Variants in CMBL observed in about 807,000 individuals in gnomAD.
The protein encoded by CMBL is carboxymethylenebutenolidase homolog.
CMBL carries 17 observed loss-of-function variants against 28.7 expected under a neutral mutation model. That is an observed-to-expected ratio of 0.59 (90% confidence interval 0.41 to 0.89). The LOEUF (loss-of-function observed/expected upper bound fraction) is 0.89, where lower values mean the gene tolerates loss of function less well. CMBL is among the 40% of genes least tolerant of loss of function. The pLI is 0.00. For missense variants in CMBL, 310 were observed against 298.5 expected (o/e 1.04, Z -0.28); for synonymous variants, 106 against 101.6 (o/e 1.04, Z -0.26).
chr5:10,290,689 A>T lies in CMBL; in HGVS notation c.74T>A (p.Val25Asp). The stretch of plus-strand genomic sequence containing the variant: ...ATAAGCCTTGATGTGCTCGACTTGA[A>T]CTTCACGGCCTAGCCCTCCATACTC... Reference protein sequence around the residue: ...RLEYGGLGREVQVEHIKAYVT... With the variant: ...RLEYGGLGREDQVEHIKAYVT... The change falls in exon 2 of 6, where the codon GTT (valine) becomes GAT (aspartate). Residue 25 changes from valine (V) to aspartate (D), a missense_variant. Physicochemically the swap from Val to Asp is radical, Grantham distance 152 (BLOSUM62 -3). Coordinates refer to ENST00000296658, the MANE Select transcript of CMBL (RefSeq NM_138809.4). The T allele has an allele frequency of 1.2e-6, 2 of 1,614,184 alleles. No homozygotes were observed. Among genetic ancestry groups the T allele is most frequent in the Non-Finnish European group, 1.7e-6 (2 of 1,180,042 alleles).
At position 10,307,814 on chromosome 5, in the gene CMBL, A is replaced by C. The variant is rs1471532464; in HGVS notation, c.-209T>G. On this transcript the variant is annotated 5_prime_UTR_variant, in exon 1 of 6. Transcript: ENST00000296658. Reference sequence around the variant, plus strand: ...CCCGGAGGGGGCGGAGAGGTGGAGGAGGGAGGCCTGGGGGAAGAGAAATCT... The same window carrying C: ...CCCGGAGGGGGCGGAGAGGTGGAGGCGGGAGGCCTGGGGGAAGAGAAATCT... 4.0e-5 allele frequency: 6 copies of C among 149,002 alleles called. No individual in the cohort carries two copies. The highest frequency in any genetic ancestry group is 8.9e-5 in the Non-Finnish European group (6 of 67,470). The allele number at this position is 149,002 out of a possible 1,614,324, so 9.2% of individuals were successfully genotyped here. A position where few individuals can be genotyped will look rare whatever the true frequency, so the allele number is the denominator to read the frequency against.
intron 2 of CMBL, chr5:10,290,260 G>A (rs969750948): frequency 4.5e-5 from 19 of 420,868 alleles, no homozygotes; most frequent in African/African-American, 1.0e-4. Context: ...CAGTGCCTGC[G>A]TCTGGCTGAG....
At chr5:10,286,305 T>C in intron 4 of CMBL, 49 bp downstream of exon 4, 1 of 1,574,864 alleles carries the variant, frequency 6.3e-7, no homozygotes, top group East Asian at 2.3e-5. Flanking sequence ...GTTGTCACTC[T>C]TCCACCCCTC....
At chr5:10,299,098 A>C (rs1467648695) in intron 1 of CMBL, among the ~76,000 whole-genome samples, 1 of 152,234 alleles carries the variant, frequency 6.6e-6, no homozygotes, top group Non-Finnish European at 1.5e-5. Flanking sequence ...GATAATGATT[A>C]ACATTAATAT....
rs759276873 is a variant in CMBL at position 10,278,300 on chromosome 5, A to G, written c.*2153T>C. The stretch of plus-strand genomic sequence containing the variant: ...TTATACAACTTCTCACTGTTCCCCA[A>G]GGTGGTCGATCCAGACATCTGCCTT... On this transcript the variant is annotated 3_prime_UTR_variant, in exon 6 of 6. Coordinates refer to ENST00000296658, the MANE Select transcript of CMBL (RefSeq NM_138809.4). Among the ~76,000 whole-genome samples the G allele has an allele frequency of 6.6e-6, 1 of 152,268 alleles. No individual in the cohort carries two copies. Among genetic ancestry groups the G allele is most frequent in the East Asian group, 1.9e-4 (1 of 5,184 alleles).
intron 4 of CMBL, among the ~76,000 whole-genome samples, chr5:10,285,246 G>A (rs1349095215): frequency 6.6e-6 from 1 of 152,212 alleles, no homozygotes; most frequent in African/African-American, 2.4e-5. Flanking sequence ...TTGGTTCACA[G>A]CAACCTCCAC....
chr5:10,286,201 C>T (rs1746601781), intron 4 of CMBL, 153 bp downstream of exon 4: 2 of 723,534 alleles, frequency 2.8e-6, no homozygotes, highest in Admixed American at 3.2e-5. Flanking sequence ...AAACCTCCAC[C>T]TCTATTTTCA....
intron 2 of CMBL, 95 bp downstream of exon 2, chr5:10,290,453 T>A: frequency 1.0e-6 from 1 of 986,328 alleles, no homozygotes; most frequent in Non-Finnish European, 1.6e-6. Flanking sequence ...AGATACTGTA[T>A]AGTCAGACCG....
chr5:10,307,311 T>A (rs774171650), intron 1 of CMBL: 1 of 152,212 alleles, frequency 6.6e-6, no homozygotes, highest in African/African-American at 2.4e-5. Flanking sequence ...CCGTGCTAAA[T>A]GGCCAAAACG....
chr5:10,289,716 A>C lies in CMBL; in HGVS notation c.215+832T>G, dbSNP rs1746669785. 6.6e-6 allele frequency among the ~76,000 whole-genome samples: 1 copy of C among 152,142 alleles called. No homozygotes were observed. The highest frequency in any genetic ancestry group is 1.5e-5 in the Non-Finnish European group (1 of 68,018). ...GAAAGTTAAGTCCCCTCACATGGGGACGTGAAAAAGGAAAACTTCAAGGAA... is the reference window on the plus strand; with the variant it reads ...GAAAGTTAAGTCCCCTCACATGGGGCCGTGAAAAAGGAAAACTTCAAGGAA... On this transcript the variant is annotated intron_variant, in intron 2 of 5. Transcript: ENST00000296658. This position sits in a 1 kb window ranked among gnomAD's most constrained non-coding sequence, Gnocchi z 4.3.
At chr5:10,286,132 A>T in intron 4 of CMBL, 1 of 431,038 alleles carries the variant, frequency 2.3e-6, no homozygotes, top group Non-Finnish European at 4.0e-6. Flanking sequence ...TCCCAAAGTC[A>T]CACCACTGGG....
chr5:10,296,282 G>T (rs1171744173), intron 1 of CMBL, among the ~76,000 whole-genome samples: 1 of 152,050 alleles, frequency 6.6e-6, no homozygotes, highest in Non-Finnish European at 1.5e-5. Flanking sequence ...CTGTATGTGG[G>T]TTTGGTTTGT....
chr5:10,287,147 T>C (rs75686654), intron 3 of CMBL, among the ~76,000 whole-genome samples: 3,214 of 152,316 alleles, frequency 0.021, 109 homozygotes, highest in African/African-American at 0.071. Context: ...GAACTCAGAA[T>C]ACATTTTCAA....
At chr5:10,302,441 C>T (rs1005081401) in intron 1 of CMBL, among the ~76,000 whole-genome samples, 1 of 148,540 alleles carries the variant, frequency 6.7e-6, no homozygotes, top group African/African-American at 2.5e-5. Context: ...GGCAAGGATC[C>T]AAGACCAGCC....
At chr5:10,286,924 T>C (rs1746614870) in intron 3 of CMBL, among the ~76,000 whole-genome samples, 1 of 152,154 alleles carries the variant, frequency 6.6e-6, no homozygotes, top group Non-Finnish European at 1.5e-5. Flanking sequence ...CTCTCTCCCA[T>C]GAGCAGCCAT....
Position 10,277,991 on chromosome 5 carries a change from C to T in CMBL, c.*2462G>A, listed in dbSNP as rs890582388. Among the ~76,000 whole-genome samples, 1 of 152,228 alleles carries T rather than the reference C, an allele frequency of 6.6e-6. No homozygotes were observed. The highest frequency in any genetic ancestry group is 1.5e-5 in the Non-Finnish European group (1 of 68,040). On this transcript the variant is annotated 3_prime_UTR_variant, in exon 6 of 6. Coordinates refer to ENST00000296658, the MANE Select transcript of CMBL (RefSeq NM_138809.4). ...CACATCTCAGGGGTTTCCTGGGAGG[C>T]CGGATGAATGTGTGAGGCCTCCTGG...
intron 1 of CMBL, among the ~76,000 whole-genome samples, chr5:10,305,175 AG>A (rs1746975244): frequency 6.6e-6 from 1 of 152,118 alleles, no homozygotes; most frequent in Non-Finnish European, 1.5e-5. Flanking sequence ...TCTGGAAATC[AG>A]GACGCTTTTC....
chr5:10,291,155 C>T (rs1232078993), intron 1 of CMBL, among the ~76,000 whole-genome samples: 1 of 152,070 alleles, frequency 6.6e-6, no homozygotes, highest in African/African-American at 2.4e-5. Flanking sequence ...CCCTAACAGT[C>T]GGGTGCTTAG....
intron 4 of CMBL, 189 bp downstream of exon 4, chr5:10,286,165 T>C (rs913252121): frequency 9.1e-6 from 5 of 549,120 alleles, no homozygotes; most frequent in Non-Finnish European, 1.5e-5. Flanking sequence ...TGACTCCCGG[T>C]GACATCCTCT....
Sources: allele counts gnomAD v4.1 joint callset (sites outside exome capture counted in the v4.1 genomes callset), GRCh38; gene constraint gnomAD v4.1.1; non-coding constraint Gnocchi (gnomAD v3.1); transcripts MANE v1.5; gene names NCBI Gene and HGNC (gene_info 2026-07-23, HGNC 2026-07-21).